The following VIM variants were observed in gnomAD, a reference collection of about 807,000 sequenced individuals.
VIM encodes epididymis secretory sperm binding protein.
A neutral mutation model predicts 50.3 loss-of-function variants in VIM; 18 were observed. The ratio of observed to expected loss-of-function variants is 0.36; its 90% confidence interval spans 0.25 to 0.53. The LOEUF is 0.53. Among genes scored for constraint, VIM ranks in the 20% least tolerant of loss-of-function variants. The pLI, the probability that VIM is intolerant of heterozygous loss-of-function variation, is 0.91. For synonymous variants in VIM, 245 were observed against 248.5 expected, an observed-to-expected ratio of 0.99 and a Z score of 0.13; for missense variants, 551 against 614.7, an observed-to-expected ratio of 0.90 and a Z score of 1.10.
intron 3 of VIM, among the ~76,000 whole-genome samples, chr10:17,232,759 A>G (rs1474841334): frequency 1.3e-5 from 2 of 152,372 alleles, no homozygotes; most frequent in East Asian, 1.9e-4. Context: ...ATAAGTTTCA[A>G]AAGATTTGAG....
intron 3 of VIM, chr10:17,233,106 C>T (rs1846825033): frequency 4.7e-6 from 1 of 213,466 alleles, no homozygotes; most frequent in South Asian, 6.3e-5. Context: ...TGCCACCACA[C>T]CCAGCTAATT....
At chr10:17,230,517 G>A in intron 2 of VIM, 133 bp from the exon 3 acceptor site, 1 of 1,025,066 alleles carries the variant, frequency 9.8e-7, no homozygotes, top group Non-Finnish European at 1.5e-6. Flanking sequence ...AGGTCTGAAA[G>A]CTGCAGGCGC....
intron 3 of VIM, 151 bp from the exon 4 acceptor site, chr10:17,233,436 A>T: frequency 1.4e-6 from 1 of 720,520 alleles, no homozygotes. Context: ...GCACTGAATG[A>T]TTTATAAACC....
At chr10:17,235,104 A>G (rs915789520) in intron 6 of VIM, 65 bp from the exon 7 acceptor site, 1 of 1,576,634 alleles carries the variant, frequency 6.3e-7, no homozygotes, top group Non-Finnish European at 8.7e-7. Context: ...AGGTCTGTAA[A>G]TGGTTCTGGG....
chr10:17,233,901 G>T lies in VIM; in HGVS notation c.852G>T (p.Leu284=). The T allele has an allele frequency of 2.5e-6, 4 of 1,614,030 alleles. No homozygotes were observed. The highest frequency in any genetic ancestry group is 3.4e-6 in the Non-Finnish European group (4 of 1,179,974). ...ATGAAAGTGTGGCTGCCAAGAACCTGCAGGAGGCAGAAGAATGGTACAAAT... is the reference window on the plus strand; with the variant it reads ...ATGAAAGTGTGGCTGCCAAGAACCTTCAGGAGGCAGAAGAATGGTACAAAT... ...QQYESVAAKN[L]QEAEEWYKSK... Residue 284 remains leucine (L), a synonymous_variant, in exon 5 of 10, where the codon CTG becomes CTT. Coordinates refer to ENST00000544301, the MANE Select transcript of VIM (RefSeq NM_003380.5).
rs775250376 is a variant in VIM at position 17,233,781 on chromosome 10, G to A, written c.732G>A (p.Glu244=). 6.2e-7 allele frequency: 1 copy of A among 1,614,200 alleles called. No homozygotes were observed. The highest frequency in any genetic ancestry group is 8.5e-7 in the Non-Finnish European group (1 of 1,180,042). ...TGTTCTTTTTGCAGGAAATCCAGGA[G>A]CTGCAGGCTCAGATTCAGGAACAGC... The part of the protein sequence containing the change: ...LKKLHEEEIQ[E]LQAQIQEQHV... Residue 244 remains glutamate (E), a synonymous_variant, in exon 5 of 10, where the codon GAG becomes GAA. Coordinates refer to ENST00000544301, the MANE Select transcript of VIM (RefSeq NM_003380.5).
rs80339700 is a variant in VIM at position 17,228,410 on chromosome 10, T to C, written c.-262T>C. The C allele has an allele frequency of 0.044, 6,662 of 152,338 alleles. 298 individuals carry two copies. Among genetic ancestry groups the C allele is most frequent in the African/African-American group, 0.12 (5,084 of 41,530 alleles). The allele number at this position is 152,338 out of a possible 1,614,324, so 9.4% of individuals were successfully genotyped here. On this transcript the variant is annotated 5_prime_UTR_variant, in exon 1 of 10. Transcript: ENST00000544301. Reference sequence around the variant, plus strand: ...GCAAGGCGATGGCCCAGCTGTAAGTTGGTAGCACTGAGAACTAGCAGCGCG... The same window carrying C: ...GCAAGGCGATGGCCCAGCTGTAAGTCGGTAGCACTGAGAACTAGCAGCGCG...
chr10:17,234,951 A>G, intron 6 of VIM, 133 bp downstream of exon 6: 2 of 1,404,908 alleles, frequency 1.4e-6, no homozygotes, highest in Non-Finnish European at 2.0e-6. Context: ...AGTTATCAAG[A>G]CAGACTCAAA....
chr10:17,235,224 C>T lies in VIM; in HGVS notation c.1064C>T (p.Ala355Val), dbSNP rs750107979. ...ATGGAAGAGAACTTTGCCGTTGAAG[C>T]TGCTAACTACCAAGACACTATTGGC... ...REMEENFAVE[A>V]ANYQDTIGRL... Residue 355 changes from alanine (A) to valine (V), a missense_variant, in exon 7 of 10, where the codon GCT becomes GTT. Transcript: ENST00000544301. The T allele has an allele frequency of 6.2e-7, 1 of 1,614,220 alleles. No individual in the cohort carries two copies. Among genetic ancestry groups the T allele is most frequent in the East Asian group, 2.2e-5 (1 of 44,884 alleles).
chr10:17,234,141 A>G (rs1846846387), intron 5 of VIM: 2 of 583,738 alleles, frequency 3.4e-6, no homozygotes, highest in Non-Finnish European at 5.7e-6. Flanking sequence ...TATGAGACAG[A>G]GTCTTGCTCT....
chr10:17,233,758 T>C lies in VIM; in HGVS notation c.721-12T>C, dbSNP rs745653395. ...GTTGGCAGAGCTGACCGTCTGTCTG[T>C]TCTTTTTGCAGGAAATCCAGGAGCT... On this transcript the variant is annotated splice_polypyrimidine_tract_variant and intron_variant, in intron 4 of 9. Coordinates refer to ENST00000544301, the MANE Select transcript of VIM (RefSeq NM_003380.5). The C allele has an allele frequency of 1.9e-6, 3 of 1,614,156 alleles. No individual in the cohort carries two copies. The Admixed American group carries it at 5.0e-5, about 27-fold the overall frequency.
chr10:17,229,835 T>A lies in VIM; in HGVS notation c.413T>A (p.Leu138His). ...NKILLAELEQLKGQGKSRLGD... is the reference protein window; with the variant it reads ...NKILLAELEQHKGQGKSRLGD... ...ATCCTGCTGGCCGAGCTCGAGCAGC[T>A]CAAGGGCCAAGGCAAGTCGCGCCTG... is the stretch of plus-strand genomic sequence containing the variant. The change falls in exon 2 of 10, where the codon CTC becomes CAC. Residue 138 changes from leucine (L) to histidine (H), a missense_variant. By Grantham distance (99) the Leu-to-His change is moderately conservative. Around this residue, in one of 3 missense-constraint regions of VIM, gnomAD observed 394 missense variants for 437.5 expected, o/e 0.90. Coordinates refer to ENST00000544301, the MANE Select transcript of VIM (RefSeq NM_003380.5). The A allele has an allele frequency of 6.2e-7, 1 of 1,603,984 alleles. No homozygotes were observed. Among genetic ancestry groups the A allele is most frequent in the Non-Finnish European group, 8.5e-7 (1 of 1,175,700 alleles).
At chr10:17,230,818 G>A in intron 3 of VIM, 108 bp downstream of exon 3, 2 of 1,319,222 alleles carry the variant, frequency 1.5e-6, no homozygotes, top group Non-Finnish European at 2.2e-6. Context: ...AAACTTCAGG[G>A]CTGCGCGTAA....
At chr10:17,230,907 T>G in intron 3 of VIM, 197 bp downstream of exon 3, 1 of 475,928 alleles carries the variant, frequency 2.1e-6, no homozygotes, top group Non-Finnish European at 3.8e-6. Context: ...TTGAGCGATT[T>G]TTTTTTTTTT....
At position 17,229,354 on chromosome 10, in the gene VIM, G is replaced by C. The variant is rs970174530; in HGVS notation, c.-69G>C. 4 of 1,509,962 alleles carry C rather than the reference G, an allele frequency of 2.6e-6. No homozygotes were observed. Among genetic ancestry groups the C allele is most frequent in the Non-Finnish European group, 3.6e-6 (4 of 1,122,962 alleles). The allele number at this position is 1,509,962 out of a possible 1,614,324, so 93.5% of individuals were successfully genotyped here. A position where few individuals can be genotyped will look rare whatever the true frequency, so the allele number is the denominator to read the frequency against. On this transcript the variant is annotated 5_prime_UTR_variant, in exon 2 of 10. Transcript: ENST00000544301. ...CACCACCCACACCCACCGCGCCCTC[G>C]TTCGCCTCTTCTCCGGGAGCCAGTC... is the stretch of plus-strand genomic sequence containing the variant.
At position 17,235,193 on chromosome 10, in the gene VIM, C is replaced by T. The variant is rs775627643; in HGVS notation, c.1033C>T (p.Arg345Cys). ...GTNESLERQMREMEENFAVEA... is the reference protein window; with the variant it reads ...GTNESLERQMCEMEENFAVEA... ...GAATGAGTCCCTGGAACGCCAGATG[C>T]GTGAAATGGAAGAGAACTTTGCCGT... is the stretch of plus-strand genomic sequence containing the variant. The change falls in exon 7 of 10, where the codon CGT becomes TGT. Residue 345 changes from arginine to cysteine, a missense_variant. Coordinates refer to ENST00000544301, the MANE Select transcript of VIM (RefSeq NM_003380.5). The T allele has an allele frequency of 1.1e-5, 17 of 1,614,098 alleles. No individual in the cohort carries two copies. The highest frequency in any genetic ancestry group is 3.3e-5 in the Admixed American group (2 of 60,006).
In VIM at chr10:17,230,006, G is replaced by C. The variant is rs774939220; in HGVS notation, c.563+21G>C. On this transcript the variant is annotated intron_variant, in intron 2 of 9. Transcript: ENST00000544301. ...GAGAAGTAAGGCTGCGCCCATGCAAGTAGCTGGGCCTCGGGAGGGGGCTGG... is the reference window on the plus strand; with the variant it reads ...GAGAAGTAAGGCTGCGCCCATGCAACTAGCTGGGCCTCGGGAGGGGGCTGG... 2.5e-6 allele frequency: 4 copies of C among 1,598,576 alleles called. No individual in the cohort carries two copies. The South Asian group carries it at 3.4e-5, about 13-fold the overall frequency.
intron 3 of VIM, 41 bp downstream of exon 3, chr10:17,230,751 C>T (rs1846777019): frequency 1.9e-6 from 3 of 1,609,652 alleles, no homozygotes; most frequent in African/African-American, 1.3e-5. Flanking sequence ...CCTGACCCCA[C>T]CCAACACAAC....
intron 2 of VIM, 145 bp downstream of exon 2, chr10:17,230,130 C>T: frequency 9.3e-7 from 1 of 1,075,596 alleles, no homozygotes; most frequent in Non-Finnish European, 1.3e-6. Context: ...GAGAGCGGGG[C>T]TGTGGCTGTG....
Sources: gnomAD v4.1 joint callset for allele counts (sites outside exome capture counted in the v4.1 genomes callset) on GRCh38, gnomAD v4.1.1 for gene constraint, gnomAD v4.1.1 regional missense constraint, MANE v1.5 for transcripts, NCBI Gene and HGNC (gene_info 2026-07-23, HGNC 2026-07-21) for gene names.